SUPT3H: variants seen among roughly 807,000 people sequenced by gnomAD.
The protein encoded by SUPT3H is transcription initiation protein SPT3 homolog.
SUPT3H carries 44 observed loss-of-function variants against 44.3 expected under a neutral mutation model. The observed-to-expected ratio is 0.99, with a 90% CI of 0.78 to 1.28. The LOEUF (loss-of-function observed/expected upper bound fraction) is 1.28. SUPT3H is among the 50% of genes most tolerant of loss of function. The pLI is 0.00. For missense variants in SUPT3H, 380 were observed against 387.1 expected, an observed-to-expected ratio of 0.98 and a Z score of 0.15; for synonymous variants, 124 against 125.6, an observed-to-expected ratio of 0.99 and a Z score of 0.09.
chr6:45,211,248 T>A (rs1347707406), intron 2 of SUPT3H, among the ~76,000 whole-genome samples: 1 of 152,150 alleles, frequency 6.6e-6, no homozygotes, highest in African/African-American at 2.4e-5. Context: ...TTCTTAATGT[T>A]CTACAGTATC....
chr6:45,346,645 G>A (rs1402401238), intron 2 of SUPT3H, among the ~76,000 whole-genome samples: 1 of 148,336 alleles, frequency 6.7e-6, no homozygotes, highest in African/African-American at 2.5e-5. Context: ...TCGGCTCACT[G>A]CAACCTCCAC....
chr6:44,880,230 T>C (rs1022144141), intron 10 of SUPT3H, among the ~76,000 whole-genome samples: 3 of 151,974 alleles, frequency 2.0e-5, no homozygotes, highest in African/African-American at 7.3e-5. Context: ...GAGAAGAATA[T>C]AAATGACCTG....
intron 6 of SUPT3H, among the ~76,000 whole-genome samples, chr6:44,983,815 G>A (rs902134549): frequency 6.6e-6 from 1 of 152,166 alleles, no homozygotes; most frequent in African/African-American, 2.4e-5. Flanking sequence ...AGCTTGACTG[G>A]AAGTACACTT....
chr6:45,330,087 A>G (rs1254286549), intron 2 of SUPT3H, among the ~76,000 whole-genome samples: 2 of 151,880 alleles, frequency 1.3e-5, no homozygotes, highest in Admixed American at 1.3e-4. Context: ...GGTTTCTCTT[A>G]CAGGGTGAGG....
At chr6:45,012,124 A>G (rs1783577805) in intron 5 of SUPT3H, among the ~76,000 whole-genome samples, 2 of 151,294 alleles carry the variant, frequency 1.3e-5, no homozygotes, top group Admixed American at 1.3e-4. Flanking sequence ...ATTTTTGGTA[A>G]AAGTGTCTTA....
chr6:45,357,708 A>G (rs920580414), intron 2 of SUPT3H, among the ~76,000 whole-genome samples: 1 of 152,204 alleles, frequency 6.6e-6, no homozygotes, highest in African/African-American at 2.4e-5. Context: ...AAAAATAATG[A>G]ATTGACAGAA....
At chr6:44,898,093 C>G (rs1170729732) in intron 10 of SUPT3H, among the ~76,000 whole-genome samples, 1 of 152,176 alleles carries the variant, frequency 6.6e-6, no homozygotes, top group Non-Finnish European at 1.5e-5. Flanking sequence ...TGCATTGGGA[C>G]TAAGAATTTG....
chr6:45,112,834 C>T lies in SUPT3H; in HGVS notation c.102-6828G>A, dbSNP rs1014225240. ...GAAAGGATAAAGAGATGTTTCTTTA[C>T]TGCCATGTGTACATCTTCTTGGATG... On this transcript the variant is annotated intron_variant, in intron 2 of 10. Transcript: ENST00000371459. 3.9e-5 allele frequency among the ~76,000 whole-genome samples: 6 copies of T among 152,166 alleles called. No homozygotes were observed. In the East Asian group the frequency reaches 1.2e-3, roughly 29 times the overall value.
intron 2 of SUPT3H, among the ~76,000 whole-genome samples, chr6:45,270,523 A>G (rs771061607): frequency 3.3e-5 from 5 of 152,194 alleles, no homozygotes; most frequent in Non-Finnish European, 7.3e-5. Flanking sequence ...CCTGCAGCCA[A>G]CCATGTAGCA....
intron 2 of SUPT3H, among the ~76,000 whole-genome samples, chr6:45,207,428 G>A (rs993741157): frequency 2.0e-5 from 3 of 152,124 alleles, no homozygotes; most frequent in Non-Finnish European, 4.4e-5. Flanking sequence ...CTGGAGATAG[G>A]GAGAAAGCAA....
At chr6:44,867,284 TG>T (rs1775661974) in intron 10 of SUPT3H, among the ~76,000 whole-genome samples, 1 of 152,066 alleles carries the variant, frequency 6.6e-6, no homozygotes. Flanking sequence ...CCTGAGGAGC[TG>T]GGATTACAGG....
At chr6:44,931,722 A>G (rs1770623582) in intron 10 of SUPT3H, among the ~76,000 whole-genome samples, 1 of 152,110 alleles carries the variant, frequency 6.6e-6, no homozygotes, top group Non-Finnish European at 1.5e-5. Flanking sequence ...ATAATTAACA[A>G]CAACTAAAAA....
intron 2 of SUPT3H, among the ~76,000 whole-genome samples, chr6:45,302,557 G>A (rs200177583): frequency 0.011 from 738 of 68,522 alleles, 22 homozygotes; most frequent in South Asian, 0.025. Flanking sequence ...ATATATATAT[G>A]CATGCCACAA....
At chr6:45,288,327 T>C (rs1177356699) in intron 2 of SUPT3H, among the ~76,000 whole-genome samples, 3 of 151,960 alleles carry the variant, frequency 2.0e-5, no homozygotes, top group Admixed American at 6.6e-5. Context: ...GACTTAAGGA[T>C]AGTTTTTGAA....
intron 3 of SUPT3H, among the ~76,000 whole-genome samples, chr6:45,079,355 A>C (rs905133196): frequency 6.6e-6 from 1 of 151,850 alleles, no homozygotes; most frequent in South Asian, 2.1e-4. Context: ...GAAGAAAAAG[A>C]AAGAAGAAAA....
At chr6:45,375,452 A>G (rs929077236) in intron 1 of SUPT3H, among the ~76,000 whole-genome samples, 7 of 152,210 alleles carry the variant, frequency 4.6e-5, no homozygotes, top group Non-Finnish European at 8.8e-5. Flanking sequence ...TCTGATTTGT[A>G]TATTATGAGC....
At chr6:45,290,060 G>A (rs1206522824) in intron 2 of SUPT3H, among the ~76,000 whole-genome samples, 1 of 151,990 alleles carries the variant, frequency 6.6e-6, no homozygotes, top group Admixed American at 6.6e-5. Context: ...CACACCTGTA[G>A]TCCCAGCTAC....
intron 2 of SUPT3H, among the ~76,000 whole-genome samples, chr6:45,316,050 T>C (rs1784648779): frequency 6.6e-6 from 1 of 152,166 alleles, no homozygotes; most frequent in Non-Finnish European, 1.5e-5. Context: ...TAGAGACTAT[T>C]ATTCCAAGTG....
intron 10 of SUPT3H, among the ~76,000 whole-genome samples, chr6:44,925,759 C>CAAATGCTCTAATCATAACATTTTA (rs1769420317): frequency 6.6e-6 from 1 of 152,046 alleles, no homozygotes; most frequent in South Asian, 2.1e-4. Flanking sequence ...GAGAAAACAC[C>CAAATGCTCTAATCATAACATTTTA]AAATGCTCTA....
Sources: gnomAD v4.1 joint callset for allele counts (sites outside exome capture counted in the v4.1 genomes callset) on GRCh38, gnomAD v4.1.1 for gene constraint, MANE v1.5 for transcripts, NCBI Gene and HGNC (gene_info 2026-07-23, HGNC 2026-07-21) for gene names.